MED15: variants seen among roughly 807,000 people sequenced by gnomAD.
MED15 encodes the protein mediator of RNA polymerase II transcription subunit 15.
A neutral mutation model predicts 118.7 loss-of-function variants in MED15; 41 were observed. The observed-to-expected ratio is 0.35, with a 90% CI of 0.27 to 0.45. The LOEUF is 0.45. Ranked by LOEUF, MED15 falls within the 20% of genes least tolerant of loss-of-function variation. The pLI, the probability that MED15 is intolerant of heterozygous loss-of-function variation, is 1.00. For missense variants in MED15, 740 were observed against 1,025.5 expected (o/e 0.72, Z 3.80); for synonymous variants, 436 against 413.9 (o/e 1.05, Z -0.65).
chr22:20,565,309 A>G (rs2056396319), intron 6 of MED15, among the ~76,000 whole-genome samples: 1 of 152,104 alleles, frequency 6.6e-6, no homozygotes, highest in Non-Finnish European at 1.5e-5. Context: ...AAGAAGTGAG[A>G]CGAACACTCT....
intron 5 of MED15, among the ~76,000 whole-genome samples, chr22:20,564,175 CAG>C (rs2056347046): frequency 6.6e-6 from 1 of 152,208 alleles, no homozygotes; most frequent in South Asian, 2.1e-4. Context: ...TACTGATTGC[CAG>C]AGTCTAGGCT....
At chr22:20,508,624 AG>A (rs1189271739) in intron 1 of MED15, among the ~76,000 whole-genome samples, 1 of 152,096 alleles carries the variant, frequency 6.6e-6, no homozygotes, top group African/African-American at 2.4e-5. Flanking sequence ...AAGGGTGGGG[AG>A]AATTACAAAG....
chr22:20,587,064 G>A lies in MED15; in HGVS notation c.*360G>A, dbSNP rs2057156710. 1 of 315,822 alleles carries A rather than the reference G, an allele frequency of 3.2e-6. No homozygotes were observed. Among genetic ancestry groups the A allele is most frequent in the Non-Finnish European group, 6.1e-6 (1 of 164,878 alleles). The allele number at this position is 315,822 out of a possible 1,614,324, so 19.6% of individuals were successfully genotyped here. On this transcript the variant is annotated 3_prime_UTR_variant, in exon 18 of 18. Coordinates refer to ENST00000263205, the MANE Select transcript of MED15 (RefSeq NM_001003891.3). ...GGTGTTGTTAGAGCGTCTCGTGTGT[G>A]CTAGACGCACCCCTACTCGTTCCTA...
At chr22:20,535,787 C>A (rs911421800) in intron 1 of MED15, among the ~76,000 whole-genome samples, 6 of 151,820 alleles carry the variant, frequency 4.0e-5, no homozygotes, top group African/African-American at 1.5e-4. Context: ...TCGTGCTCGC[C>A]TGACCTCGTG....
chr22:20,519,520 C>T (rs1341646726), intron 1 of MED15, among the ~76,000 whole-genome samples: 1 of 151,440 alleles, frequency 6.6e-6, no homozygotes, highest in Non-Finnish European at 1.5e-5. Context: ...ACTGGCCTGA[C>T]CTTGGCTCAC....
At chr22:20,528,339 ATT>A (rs2054731526) in intron 1 of MED15, among the ~76,000 whole-genome samples, 2 of 152,030 alleles carry the variant, frequency 1.3e-5, no homozygotes. Flanking sequence ...ACAGAAGACA[ATT>A]TTTCTACAGA....
At chr22:20,556,513 T>C (rs563232027) in intron 5 of MED15, among the ~76,000 whole-genome samples, 2 of 152,270 alleles carry the variant, frequency 1.3e-5, no homozygotes, top group Admixed American at 1.3e-4. Context: ...TTGGCCAGGC[T>C]GGTCTCAAAC....
chr22:20,586,327 T>C (rs544516460), intron 17 of MED15, among the ~76,000 whole-genome samples: 4 of 151,824 alleles, frequency 2.6e-5, no homozygotes, highest in South Asian at 4.3e-4. Context: ...TGGCACACAG[T>C]AGAGCCAGGC....
intron 1 of MED15, 34 bp downstream of exon 1, chr22:20,507,780 G>T: frequency 6.2e-7 from 1 of 1,613,490 alleles, no homozygotes; most frequent in South Asian, 1.1e-5. Flanking sequence ...GCTGGATTGT[G>T]GGACCTTCCT....
Position 20,539,072 on chromosome 22 carries a change from C to T in MED15, c.156+1868C>T, listed in dbSNP as rs190931974. Among the ~76,000 whole-genome samples the T allele has an allele frequency of 1.2e-3, 182 of 152,190 alleles. 1 individual carries two copies. Among genetic ancestry groups the T allele is most frequent in the Non-Finnish European group, 1.5e-3 (101 of 68,024 alleles). On this transcript the variant is annotated intron_variant, in intron 2 of 17. Coordinates refer to ENST00000263205, the MANE Select transcript of MED15 (RefSeq NM_001003891.3). ...CATAATATTTTCAAGGTTCAAGGTC[C>T]ATGAACCATGTTTGGTATATACTTT...
At chr22:20,559,208 A>C (rs574731227) in intron 5 of MED15, among the ~76,000 whole-genome samples, 1 of 152,294 alleles carries the variant, frequency 6.6e-6, no homozygotes. Flanking sequence ...CAAATGAAAA[A>C]GCATCATCAG....
chr22:20,507,817 C>T, intron 1 of MED15, 71 bp downstream of exon 1: 1 of 1,595,206 alleles, frequency 6.3e-7, no homozygotes, highest in South Asian at 1.1e-5. Context: ...GAGGCCAGGG[C>T]CGGACCCGTG....
Position 20,566,829 on chromosome 22 carries a change from T to G in MED15, c.1041+12T>G. The G allele has an allele frequency of 1.2e-6, 2 of 1,611,156 alleles. No individual in the cohort carries two copies. Among genetic ancestry groups the G allele is most frequent in the Non-Finnish European group, 1.7e-6 (2 of 1,177,614 alleles). ...CACCACTGAAATTTGTGAGTACCTG[T>G]GGCCCACAGTGGAGCACATGCAGCC... On this transcript the variant is annotated intron_variant, in intron 7 of 17. Coordinates refer to ENST00000263205, the MANE Select transcript of MED15 (RefSeq NM_001003891.3).
At chr22:20,558,020 G>T (rs868800805) in intron 5 of MED15, among the ~76,000 whole-genome samples, 5 of 152,212 alleles carry the variant, frequency 3.3e-5, no homozygotes, top group Admixed American at 6.5e-5. Flanking sequence ...GCAGGAGAAT[G>T]GCATGAACCT....
intron 1 of MED15, chr22:20,523,590 T>A: frequency 5.9e-5 from 53 of 899,432 alleles, no homozygotes; most frequent in Non-Finnish European, 6.4e-5. Flanking sequence ...CCCCACCAAA[T>A]ACCACAGAGC....
intron 9 of MED15, among the ~76,000 whole-genome samples, chr22:20,581,417 G>C (rs1309061267): frequency 6.6e-6 from 1 of 152,196 alleles, no homozygotes; most frequent in African/African-American, 2.4e-5. Context: ...GTGCTTGGGG[G>C]GTGGTGTGAG....
intron 1 of MED15, among the ~76,000 whole-genome samples, chr22:20,520,282 TC>T (rs1441874779): frequency 1.3e-4 from 20 of 152,220 alleles, no homozygotes; most frequent in African/African-American, 4.8e-4. Flanking sequence ...CTTTGCTCTT[TC>T]CAAGCTTCCT....
chr22:20,508,476 T>G, intron 1 of MED15: 1 of 1,196,006 alleles, frequency 8.4e-7, no homozygotes, highest in Admixed American at 2.4e-5. Context: ...TTCACCTGGG[T>G]GCAGGTGGGC....
chr22:20,575,372 T>C, intron 9 of MED15, 140 bp downstream of exon 9: 1 of 1,086,440 alleles, frequency 9.2e-7, no homozygotes, highest in Non-Finnish European at 1.2e-6. Flanking sequence ...CAGTCCCTTT[T>C]TTTTTTTTTT....
Sources: gnomAD v4.1 joint callset for allele counts (sites outside exome capture counted in the v4.1 genomes callset) on GRCh38, gnomAD v4.1.1 for gene constraint, MANE v1.5 for transcripts, NCBI Gene and HGNC (gene_info 2026-07-23, HGNC 2026-07-21) for gene names.